The following SPATA13 variants were observed in gnomAD, a reference collection of about 807,000 sequenced individuals.
The protein encoded by SPATA13 is spermatogenesis associated 13.
SPATA13 carries 50 observed loss-of-function variants against 104.0 expected under a neutral mutation model. That is an observed-to-expected ratio of 0.48 (90% CI 0.38 to 0.61). The LOEUF (loss-of-function observed/expected upper bound fraction) is 0.61, where lower values mean the gene tolerates loss of function less well. Ranked by LOEUF, SPATA13 falls within the 20% of genes least tolerant of loss-of-function variation. SPATA13 has a pLI of 0.00. For missense variants in SPATA13, 1,524 were observed against 1,690.6 expected (o/e 0.90, Z 1.73); for synonymous variants, 606 against 667.5 (o/e 0.91, Z 1.42).
At chr13:24,026,798 G>C (rs7331045) in intron 3 of SPATA13, among the ~76,000 whole-genome samples, 17,873 of 151,998 alleles carry the variant, frequency 0.12, 1,455 homozygotes, top group East Asian at 0.44. Context: ...AGGATGGTCT[G>C]GATCTCCTGA....
At chr13:24,153,557 T>C (rs1882167671) in intron 3 of SPATA13, among the ~76,000 whole-genome samples, 1 of 152,208 alleles carries the variant, frequency 6.6e-6, no homozygotes, top group African/African-American at 2.4e-5. Context: ...CCAAGGCCAC[T>C]TTCAACAGAG....
At chr13:24,095,057 T>C (rs748404202) in intron 3 of SPATA13, among the ~76,000 whole-genome samples, 5 of 152,180 alleles carry the variant, frequency 3.3e-5, no homozygotes, top group African/African-American at 4.8e-5. Flanking sequence ...CTTCTGGGTA[T>C]CTATGTAAAA....
chr13:24,293,938 T>G (rs1434362408), intron 9 of SPATA13, among the ~76,000 whole-genome samples: 3 of 152,240 alleles, frequency 2.0e-5, no homozygotes, highest in Non-Finnish European at 4.4e-5. Context: ...TGGCCCTGTC[T>G]GTGCTGTAAG....
At chr13:24,258,641 C>T in intron 4 of SPATA13, among the ~76,000 whole-genome samples, 1 of 152,024 alleles carries the variant, frequency 6.6e-6, no homozygotes, top group East Asian at 1.9e-4. Flanking sequence ...TGCACCCAGC[C>T]TGGGCAACAG....
chr13:24,195,876 A>G (rs1480965372), intron 1 of SPATA13, among the ~76,000 whole-genome samples: 3 of 152,200 alleles, frequency 2.0e-5, no homozygotes, highest in African/African-American at 7.2e-5. Flanking sequence ...TAATTAGCTC[A>G]AGTGATGTTT....
intron 1 of SPATA13, among the ~76,000 whole-genome samples, chr13:24,185,500 C>T (rs1169645612): frequency 1.3e-5 from 2 of 152,110 alleles, no homozygotes; most frequent in African/African-American, 4.8e-5. Context: ...TTTTATATCA[C>T]CTCTGGAAAT....
intron 3 of SPATA13, among the ~76,000 whole-genome samples, chr13:24,111,344 A>G (rs907201216): frequency 1.3e-5 from 2 of 152,056 alleles, no homozygotes; most frequent in African/African-American, 4.8e-5. Flanking sequence ...TCTCTCTAAC[A>G]TGAATCTTGC....
chr13:24,228,826 A>C (rs531552320), intron 2 of SPATA13, among the ~76,000 whole-genome samples: 2 of 152,340 alleles, frequency 1.3e-5, no homozygotes, highest in South Asian at 2.1e-4. Flanking sequence ...ATTTAAAATA[A>C]ATATTATAAT....
intron 3 of SPATA13, among the ~76,000 whole-genome samples, chr13:24,138,792 A>G (rs948934791): frequency 3.9e-5 from 5 of 128,046 alleles, no homozygotes; most frequent in African/African-American, 1.2e-4. Context: ...GGCTCTCGCT[A>G]TGTTGCTCAG....
chr13:24,180,172 A>G (rs987136328), intron 1 of SPATA13, among the ~76,000 whole-genome samples: 9 of 152,198 alleles, frequency 5.9e-5, no homozygotes, highest in Non-Finnish European at 1.2e-4. Flanking sequence ...TATTTTGCAT[A>G]TGGTGTAAGG....
intron 1 of SPATA13, among the ~76,000 whole-genome samples, chr13:24,168,562 C>T (rs1400191763): frequency 2.0e-5 from 3 of 152,102 alleles, no homozygotes; most frequent in Non-Finnish European, 4.4e-5. Context: ...ACTTTTGTAT[C>T]GCAGCACACA....
chr13:24,290,598 G>A (rs942843562), intron 8 of SPATA13, 54 bp from the exon 9 acceptor site: 103 of 1,383,104 alleles, frequency 7.4e-5, no homozygotes, highest in Non-Finnish European at 1.0e-4. Context: ...GCCTGTCTTT[G>A]TCATGTCCCA....
chr13:24,296,469 C>T (rs1876788393), intron 10 of SPATA13, among the ~76,000 whole-genome samples: 1 of 152,158 alleles, frequency 6.6e-6, no homozygotes, highest in Non-Finnish European at 1.5e-5. Context: ...TGGACGCTGA[C>T]ATTTAGGGGA....
At chr13:24,299,545 C>A (rs145658480) in intron 11 of SPATA13, among the ~76,000 whole-genome samples, 1 of 152,170 alleles carries the variant, frequency 6.6e-6, no homozygotes, top group Admixed American at 6.5e-5. Flanking sequence ...CTGAGCCTGA[C>A]GTCAGGACAG....
intron 3 of SPATA13, among the ~76,000 whole-genome samples, chr13:24,140,009 C>A (rs1025427384): frequency 6.7e-6 from 1 of 149,254 alleles, no homozygotes; most frequent in Non-Finnish European, 1.5e-5. Context: ...CGGAGCTTGG[C>A]AGTGAGCCAA....
intron 3 of SPATA13, among the ~76,000 whole-genome samples, chr13:24,091,061 T>G (rs1474936974): frequency 6.6e-6 from 1 of 152,206 alleles, no homozygotes; most frequent in Non-Finnish European, 1.5e-5. Flanking sequence ...GAGAGAGACT[T>G]CCTTACATGC....
At chr13:24,250,618 G>C (rs1191534438) in intron 3 of SPATA13, among the ~76,000 whole-genome samples, 1 of 152,172 alleles carries the variant, frequency 6.6e-6, no homozygotes, top group African/African-American at 2.4e-5. Flanking sequence ...AACTCCTATG[G>C]AGTACTAGTA....
chr13:24,239,211 T>C (rs1872714332), intron 2 of SPATA13, among the ~76,000 whole-genome samples: 1 of 152,170 alleles, frequency 6.6e-6, no homozygotes, highest in Non-Finnish European at 1.5e-5. Flanking sequence ...ATTTTGTTTG[T>C]AGAATGGCGT....
At chr13:24,178,543 A>T (rs1276763970) in intron 1 of SPATA13, among the ~76,000 whole-genome samples, 2 of 152,204 alleles carry the variant, frequency 1.3e-5, no homozygotes, top group Non-Finnish European at 2.9e-5. Context: ...CTAATAAATG[A>T]GCTTACTCTG....
Sources: gnomAD v4.1 joint callset for allele counts (sites outside exome capture counted in the v4.1 genomes callset) on GRCh38, gnomAD v4.1.1 for gene constraint, MANE v1.5 for transcripts, NCBI Gene and HGNC (gene_info 2026-07-23, HGNC 2026-07-21) for gene names.